Variants in PUS3 observed in about 807,000 individuals in gnomAD.
PUS3 encodes the protein tRNA pseudouridine(38/39) synthase.
A neutral mutation model predicts 43.3 loss-of-function variants in PUS3; 36 were observed. That is an observed-to-expected ratio of 0.83 (90% CI 0.64 to 1.10). PUS3 has a LOEUF of 1.10. PUS3 is among the 50% of genes least tolerant of loss of function. The pLI is 0.00. For missense variants in PUS3, 544 were observed against 589.9 expected (o/e 0.92, Z 0.81); for synonymous variants, 183 against 199.2 (o/e 0.92, Z 0.69).
chr11:125,898,452 G>A (rs56270014), intron 1 of PUS3, among the ~76,000 whole-genome samples: 27,882 of 152,072 alleles, frequency 0.18, 2,582 homozygotes, highest in Middle Eastern at 0.2. Flanking sequence ...AGGCGGGTGG[G>A]TTGCCTGAGG....
Position 125,893,522 on chromosome 11 carries a change from G to T in PUS3, c.*263C>A. The T allele has an allele frequency of 3.2e-6, 1 of 309,532 alleles. No individual in the cohort carries two copies. Among genetic ancestry groups the T allele is most frequent in the Non-Finnish European group, 5.9e-6 (1 of 170,472 alleles). The allele number at this position is 309,532 out of a possible 1,614,324, so 19.2% of individuals were successfully genotyped here. On this transcript the variant is annotated 3_prime_UTR_variant, in exon 4 of 4. Transcript: ENST00000227474. ...TAGGCTTTAATGAATTTGAATACAAGGCACAGGTTTCCAGGTGTATGTAAA... is the reference window on the plus strand; with the variant it reads ...TAGGCTTTAATGAATTTGAATACAATGCACAGGTTTCCAGGTGTATGTAAA...
At chr11:125,895,845 A>T in intron 2 of PUS3, 56 bp from the exon 3 acceptor site, 1 of 1,584,674 alleles carries the variant, frequency 6.3e-7, no homozygotes, top group Non-Finnish European at 8.6e-7. Flanking sequence ...CTCAGTACTC[A>T]GTGTGTATAC....
chr11:125,896,932 G>T (rs975633372), intron 1 of PUS3, among the ~76,000 whole-genome samples: 1 of 152,100 alleles, frequency 6.6e-6, no homozygotes, highest in Admixed American at 6.5e-5. Context: ...ATTTTGATGG[G>T]AGAAAAAAAG....
chr11:125,896,995 T>G (rs1944609934), intron 1 of PUS3, among the ~76,000 whole-genome samples: 1 of 152,222 alleles, frequency 6.6e-6, no homozygotes, highest in Admixed American at 6.5e-5. Flanking sequence ...CATATTTTGA[T>G]AAAAGATTTC....
rs780805051 is a variant in PUS3 at position 125,900,261 on chromosome 11, C to A, written c.-47+2909G>T. On this transcript the variant is annotated intron_variant, in intron 1 of 3. Transcript: ENST00000227474. ...AGGAAGCTTCCCTTCCCTCTTTCTC[C>A]TTCTTAAATCTTTTTAAACTTCTTT... is the stretch of plus-strand genomic sequence containing the variant. 4 of 1,613,714 alleles carry A rather than the reference C, an allele frequency of 2.5e-6. No homozygotes were observed. The African/African-American group carries it at 5.3e-5, about 22-fold the overall frequency.
At position 125,895,739 on chromosome 11, in the gene PUS3, C is replaced by T. The variant is rs765276517; in HGVS notation, c.429G>A (p.Glu143=). The change falls in exon 3 of 4, where the codon GAG becomes GAA. Residue 143 remains glutamate (E), a synonymous_variant. Coordinates refer to ENST00000227474, the MANE Select transcript of PUS3 (RefSeq NM_031307.4). ...TAGCCTCCTCTTTTACATTAAAGTC[C>T]TCGGAATCCCTGCCCCTTGGAAACT... ...RSQFPRGRDS[E]DFNVKEEANA... The T allele has an allele frequency of 6.2e-7, 1 of 1,610,944 alleles. No homozygotes were observed. The highest frequency in any genetic ancestry group is 2.2e-5 in the East Asian group (1 of 44,874).
chr11:125,898,566 A>G (rs1944661387), intron 1 of PUS3, among the ~76,000 whole-genome samples: 1 of 151,842 alleles, frequency 6.6e-6, no homozygotes, highest in Non-Finnish European at 1.5e-5. Context: ...TAGTCCAGTT[A>G]CTCCGGAGTC....
Position 125,893,917 on chromosome 11 carries a change from G to A in PUS3, c.1314C>T (p.His438=). 1.2e-6 allele frequency: 2 copies of A among 1,614,084 alleles called. No homozygotes were observed. The highest frequency in any genetic ancestry group is 1.3e-5 in the African/African-American group (1 of 75,020). The part of the protein sequence containing the change: ...QHFVRRGRIE[H]PHLFHEEETK... ...TTTCTTCCTCATGGAATAAATGTGG[G>A]TGCTCAATTCGTCCCCTACGTACAA... Residue 438 remains histidine, a synonymous_variant, in exon 4 of 4, where the codon CAC becomes CAT. Transcript: ENST00000227474.
In PUS3 at chr11:125,896,260, TTCTG is replaced by T. The variant is rs769857011; in HGVS notation, c.21_24del (p.Asp7GlufsTer8). On this transcript the variant is annotated frameshift_variant, in exon 2 of 4. Coordinates refer to ENST00000227474, the MANE Select transcript of PUS3 (RefSeq NM_031307.4). LOFTEE classifies it high-confidence loss of function. ...CTTTTTAGGAGCTTCTCAGTCTGGT[TTCTG>T]TCTGTGTCATTATAAGCCATGATAT... 1.2e-6 allele frequency: 2 copies of T among 1,612,150 alleles called. No individual in the cohort carries two copies. The highest frequency in any genetic ancestry group is 2.7e-5 in the African/African-American group (2 of 74,928).
chr11:125,899,986 C>T lies in PUS3; in HGVS notation c.-47+3184G>A, dbSNP rs748894781. 1.2e-6 allele frequency: 2 copies of T among 1,614,202 alleles called. No homozygotes were observed. Among genetic ancestry groups the T allele is most frequent in the Admixed American group, 1.7e-5 (1 of 60,028 alleles). On this transcript the variant is annotated intron_variant, in intron 1 of 3. Transcript: ENST00000227474. The stretch of plus-strand genomic sequence containing the variant: ...CAAAGCTGGACCAGTTAAGCCGAAA[C>T]CGGGGCAAGACAGACCGGGTAGCCC...
At chr11:125,896,578 A>G (rs2134248442) in intron 1 of PUS3, among the ~76,000 whole-genome samples, 1 of 152,330 alleles carries the variant, frequency 6.6e-6, no homozygotes, top group South Asian at 2.1e-4. Context: ...AAAGCAGTCA[A>G]AATTCAGGGA....
chr11:125,900,440 C>T, intron 1 of PUS3: 1 of 629,174 alleles, frequency 1.6e-6, no homozygotes, highest in Non-Finnish European at 2.8e-6. Context: ...GATGATACTT[C>T]CAAATTGCCA....
At chr11:125,900,322 C>T in intron 1 of PUS3, 1 of 1,534,704 alleles carries the variant, frequency 6.5e-7, no homozygotes, top group Non-Finnish European at 9.0e-7. Context: ...CTCTTTATAT[C>T]TTCCCTTTTA....
chr11:125,900,396 T>G (rs1162852816), intron 1 of PUS3: 9 of 855,308 alleles, frequency 1.1e-5, no homozygotes, highest in Non-Finnish European at 1.7e-5. Context: ...CACCTATCAT[T>G]GGTCTTTCCT....
chr11:125,900,150 C>T, intron 1 of PUS3: 1 of 1,614,118 alleles, frequency 6.2e-7, no homozygotes, highest in Non-Finnish European at 8.5e-7. Flanking sequence ...ATATATGTCC[C>T]AAACAATTAT....
chr11:125,900,330 T>G lies in PUS3; in HGVS notation c.-47+2840A>C. The stretch of plus-strand genomic sequence containing the variant: ...AACCTAGCTCTTTATATCTTCCCTT[T>G]TAAATAGAAACAACTGTCTTGAGAA... On this transcript the variant is annotated intron_variant, in intron 1 of 3. Coordinates refer to ENST00000227474, the MANE Select transcript of PUS3 (RefSeq NM_031307.4). The G allele has an allele frequency of 2.7e-6, 4 of 1,502,098 alleles. No individual in the cohort carries two copies. The South Asian group carries it at 4.6e-5, about 17-fold the overall frequency. 93.0% of individuals were successfully genotyped at this position (1,502,098 alleles called of 1,614,324 possible).
chr11:125,899,376 AACT>A (rs1166804833), intron 1 of PUS3: 1 of 1,614,130 alleles, frequency 6.2e-7, no homozygotes, highest in Admixed American at 1.7e-5. Context: ...GCAATGGAAG[AACT>A]TCTACCTGAT....
chr11:125,895,267 C>T lies in PUS3; in HGVS notation c.901G>A (p.Glu301Lys). The stretch of plus-strand genomic sequence containing the variant: ...GGATTTTTCTCTATATTCAGCAGCT[C>T]ATCAATAATCTCTGGCTTCTCCATT... ...QGMEKPEIID[E>K]LLNIEKNPQK... The change falls in exon 3 of 4, where the codon GAG (glutamate) becomes AAG (lysine). Residue 301 changes from glutamate (E) to lysine (K), a missense_variant. By Grantham distance (56) the Glu-to-Lys change is moderately conservative (BLOSUM62 1). Coordinates refer to ENST00000227474, the MANE Select transcript of PUS3 (RefSeq NM_031307.4). The T allele has an allele frequency of 6.2e-7, 1 of 1,607,158 alleles. No homozygotes were observed. The highest frequency in any genetic ancestry group is 2.2e-5 in the East Asian group (1 of 44,852).
At chr11:125,900,162 T>C (rs372320419) in intron 1 of PUS3, 1 of 1,614,186 alleles carries the variant, frequency 6.2e-7, no homozygotes, top group Non-Finnish European at 8.5e-7. Context: ...AACAATTATC[T>C]AGTACCAACA....
Sources: allele counts gnomAD v4.1 joint callset (sites outside exome capture counted in the v4.1 genomes callset), GRCh38; gene constraint gnomAD v4.1.1; transcripts MANE v1.5; gene names NCBI Gene and HGNC (gene_info 2026-07-23, HGNC 2026-07-21).